Variants in ZNF568 observed in about 807,000 individuals in gnomAD.
ZNF568 encodes p53 inhibitor of SCO2 activation.
ZNF568 carries 11 observed loss-of-function variants against 18.1 expected under a neutral mutation model. The observed-to-expected ratio is 0.61, with a 90% CI of 0.38 to 1.00. The LOEUF (loss-of-function observed/expected upper bound fraction) is 1.00. ZNF568 is among the 50% of genes least tolerant of loss of function. The pLI is 0.01. For synonymous variants in ZNF568, 213 were observed against 246.6 expected, an observed-to-expected ratio of 0.86 and a Z score of 1.28; for missense variants, 639 against 768.2, an observed-to-expected ratio of 0.83 and a Z score of 1.99.
intron 2 of ZNF568, among the ~76,000 whole-genome samples, chr19:36,988,301 C>T (rs1048445480): frequency 2.6e-5 from 4 of 152,030 alleles, no homozygotes; most frequent in Admixed American, 2.6e-4. Context: ...ATGTATTAGT[C>T]CCTTCTCGCA....
intron 4 of ZNF568, 43 bp downstream of exon 4, chr19:36,925,301 T>C (rs2073533464): frequency 1.9e-6 from 3 of 1,571,170 alleles, no homozygotes; most frequent in Non-Finnish European, 2.6e-6. Flanking sequence ...TATTTTGCAG[T>C]GCAGTTACGG....
intron 4 of ZNF568, among the ~76,000 whole-genome samples, chr19:36,926,936 G>C (rs768664953): frequency 7.2e-5 from 11 of 152,132 alleles, no homozygotes; most frequent in Non-Finnish European, 1.0e-4. Flanking sequence ...CTACGATACT[G>C]TACAGATGGA....
At chr19:36,993,303 A>G (rs1815104363) in intron 4 of ZNF568, among the ~76,000 whole-genome samples, 1 of 152,124 alleles carries the variant, frequency 6.6e-6, no homozygotes, top group African/African-American at 2.4e-5. Context: ...TTTTACCTGG[A>G]TGTGGTATAT....
At chr19:36,962,731 G>A (rs2074165240) in intron 6 of ZNF568, among the ~76,000 whole-genome samples, 1 of 151,974 alleles carries the variant, frequency 6.6e-6, no homozygotes. Context: ...TGTTTATGAA[G>A]GATAATTTTG....
chr19:36,930,334 C>T (rs1040730819), intron 4 of ZNF568, among the ~76,000 whole-genome samples: 28 of 151,890 alleles, frequency 1.8e-4, no homozygotes, highest in Non-Finnish European at 7.4e-5. Flanking sequence ...CTCAGCCTCC[C>T]GAGTCGCTGG....
At chr19:36,987,822 CTGTGTGTGTGTGTGTGTGTG>C (rs56000710) in intron 2 of ZNF568, among the ~76,000 whole-genome samples, 1 of 146,300 alleles carries the variant, frequency 6.8e-6, no homozygotes, top group African/African-American at 2.5e-5. Flanking sequence ...AACACAGACT[CTGTGTGTGTGTGTGTGTGTG>C]TGTGTGTGTT....
At chr19:36,965,759 T>A (rs907961211) in intron 6 of ZNF568, among the ~76,000 whole-genome samples, 2 of 147,960 alleles carry the variant, frequency 1.4e-5, no homozygotes, top group East Asian at 4.0e-4. Context: ...TGGAGTGCAA[T>A]GGCGTGATCT....
At chr19:36,932,478 T>A (rs2073704215) in intron 4 of ZNF568, among the ~76,000 whole-genome samples, 1 of 152,076 alleles carries the variant, frequency 6.6e-6, no homozygotes, top group African/African-American at 2.4e-5. Flanking sequence ...TAATCCTAGC[T>A]ACTTGGGAAG....
At chr19:36,978,057 A>AGT (rs2074300026) in intron 7 of ZNF568, among the ~76,000 whole-genome samples, 1 of 152,146 alleles carries the variant, frequency 6.6e-6, no homozygotes, top group South Asian at 2.1e-4. Context: ...GCCTTGTGGG[A>AGT]GTAGATACTA....
intron 4 of ZNF568, among the ~76,000 whole-genome samples, chr19:36,995,374 G>A (rs887654131): frequency 6.6e-6 from 1 of 152,142 alleles, no homozygotes; most frequent in African/African-American, 2.4e-5. Context: ...ACTCCAGCCT[G>A]GGTGCCAGAG....
chr19:36,997,720 AGAAATGAG>A, downstream of ZNF568: 1 of 774,224 alleles, frequency 1.3e-6, no homozygotes, highest in Non-Finnish European at 2.1e-6. Flanking sequence ...GAGTGAATGA[AGAAATGAG>A]GGATGGCTCA....
At chr19:36,927,885 TATTA>T (rs1315297675) in intron 4 of ZNF568, among the ~76,000 whole-genome samples, 6 of 49,736 alleles carry the variant, frequency 1.2e-4, no homozygotes, top group South Asian at 7.2e-4. Flanking sequence ...TATATATATA[TATTA>T]TATATATATA....
intron 4 of ZNF568, among the ~76,000 whole-genome samples, chr19:36,925,655 G>C (rs1667383): frequency 0.59 from 89,805 of 151,828 alleles, 27,630 homozygotes; most frequent in African/African-American, 0.75. Flanking sequence ...TCCATAGATT[G>C]AACCAACTGC....
chr19:36,966,477 G>A (rs1173119209), intron 6 of ZNF568, among the ~76,000 whole-genome samples: 1 of 152,166 alleles, frequency 6.6e-6, no homozygotes. Flanking sequence ...TTGTAAAGGA[G>A]CTCAAGTTTT....
chr19:36,926,933 A>C (rs1163099878), intron 4 of ZNF568, among the ~76,000 whole-genome samples: 1 of 152,192 alleles, frequency 6.6e-6, no homozygotes, highest in Non-Finnish European at 1.5e-5. Flanking sequence ...ACTCTACGAT[A>C]CTGTACAGAT....
At chr19:36,949,102 A>G (rs917967673) in intron 6 of ZNF568, among the ~76,000 whole-genome samples, 2 of 152,038 alleles carry the variant, frequency 1.3e-5, no homozygotes, top group Admixed American at 6.6e-5. Context: ...TATCATTTTA[A>G]TGGCATTTTA....
Position 36,922,859 on chromosome 19 carries a change from A to C in ZNF568, c.76+13A>C. The C allele has an allele frequency of 6.2e-7, 1 of 1,613,068 alleles. No individual in the cohort carries two copies. Among genetic ancestry groups the C allele is most frequent in the South Asian group, 1.1e-5 (1 of 90,952 alleles). ...ATGGAAAGGAAAGGTGAGGTGGCTC[A>C]TAGGTGGACAGAGCTTAGGAGAGAA... On this transcript the variant is annotated intron_variant, in intron 3 of 6. Transcript: ENST00000333987.
chr19:36,934,686 G>A (rs910051254), intron 4 of ZNF568, among the ~76,000 whole-genome samples: 1 of 152,078 alleles, frequency 6.6e-6, no homozygotes, highest in African/African-American at 2.4e-5. Context: ...AGTGTGTACA[G>A]CTATAGGTTT....
At position 36,936,891 on chromosome 19, in the gene ZNF568, C is replaced by T; in HGVS notation, c.262+19C>T. The T allele has an allele frequency of 6.2e-7, 1 of 1,608,782 alleles. No homozygotes were observed. Among genetic ancestry groups the T allele is most frequent in the Non-Finnish European group, 8.5e-7 (1 of 1,176,442 alleles). On this transcript the variant is annotated intron_variant, in intron 5 of 6. Coordinates refer to ENST00000333987, the MANE Select transcript of ZNF568 (RefSeq NM_198539.4). ...ACAGTGGGTAAGGTGGCTTGGTAGCCTTGCAATTTAACAGAGAATTCTTTT... is the reference window on the plus strand; with the variant it reads ...ACAGTGGGTAAGGTGGCTTGGTAGCTTTGCAATTTAACAGAGAATTCTTTT...
Sources: gnomAD v4.1 joint callset for allele counts (sites outside exome capture counted in the v4.1 genomes callset) on GRCh38, gnomAD v4.1.1 for gene constraint, MANE v1.5 for transcripts, NCBI Gene and HGNC (gene_info 2026-07-23, HGNC 2026-07-21) for gene names.